ASXL1: variants seen among roughly 807,000 people sequenced by gnomAD.
ASXL1 encodes the protein ASXL transcriptional regulator 1, also known as polycomb group protein ASXL1.
ASXL1 carries 65 observed loss-of-function variants against 89.1 expected under a neutral mutation model. The observed-to-expected ratio is 0.73, with a 90% CI of 0.60 to 0.90. ASXL1 has a LOEUF of 0.90. Among genes scored for constraint, ASXL1 ranks in the 40% least tolerant of loss-of-function variants. ASXL1 has a pLI of 0.00. For synonymous variants in ASXL1, 739 were observed against 746.9 expected, an observed-to-expected ratio of 0.99 and a Z score of 0.17; for missense variants, 1,786 against 1,942.9, an observed-to-expected ratio of 0.92 and a Z score of 1.52.
chr20:32,429,567 T>A lies in ASXL1; in HGVS notation c.565+136T>A. ...CACAGGCAAGAGCCCTGCCAATGGA[T>A]GAGGCCTGCCATAGGTTCTAGTGCT... is the stretch of plus-strand genomic sequence containing the variant. On this transcript the variant is annotated intron_variant, in intron 7 of 12. Coordinates refer to ENST00000375687, the MANE Select transcript of ASXL1 (RefSeq NM_015338.6). This position sits in a 1 kb window ranked among gnomAD's most constrained non-coding sequence, Gnocchi z 4.9. The A allele has an allele frequency of 1.1e-6, 1 of 935,940 alleles. No individual in the cohort carries two copies. The allele number at this position is 935,940 out of a possible 1,614,324, so 58.0% of individuals were successfully genotyped here.
intron 4 of ASXL1, among the ~76,000 whole-genome samples, chr20:32,421,462 T>C (rs536136169): frequency 2.0e-5 from 3 of 152,240 alleles, no homozygotes; most frequent in Admixed American, 2.0e-4. Context: ...GAGTATAATT[T>C]TTTTTTTAAT....
At chr20:32,417,437 C>G (rs1255708347) in intron 4 of ASXL1, among the ~76,000 whole-genome samples, 1 of 152,128 alleles carries the variant, frequency 6.6e-6, no homozygotes, top group Non-Finnish European at 1.5e-5. Context: ...TAAATAACAG[C>G]TCTTCCTTTT....
intron 4 of ASXL1, among the ~76,000 whole-genome samples, chr20:32,370,965 T>TAAAAAAAA (rs776902032): frequency 1.1e-5 from 1 of 87,376 alleles, no homozygotes; most frequent in African/African-American, 4.3e-5. Flanking sequence ...TTGTCTCTAT[T>TAAAAAAAA]AAAAAAAAAA....
chr20:32,431,771 C>G, intron 10 of ASXL1, 92 bp downstream of exon 10: 1 of 1,319,092 alleles, frequency 7.6e-7, no homozygotes, highest in Admixed American at 1.9e-5. Flanking sequence ...GCTCGCTCTT[C>G]TCAAAGGGTT....
chr20:32,406,435 C>T lies in ASXL1; in HGVS notation c.253-21693C>T, dbSNP rs1328467414. Among the ~76,000 whole-genome samples, 4 of 152,084 alleles carry T rather than the reference C, an allele frequency of 2.6e-5. No individual in the cohort carries two copies. The East Asian group carries it at 5.8e-4, about 22-fold the overall frequency. ...GTGTGGTGGCACATGCCTGTAGTCCCAGCTACTCAGGAGGCTGAGGTGGGA... is the reference window on the plus strand; with the variant it reads ...GTGTGGTGGCACATGCCTGTAGTCCTAGCTACTCAGGAGGCTGAGGTGGGA... On this transcript the variant is annotated intron_variant, in intron 4 of 12. Coordinates refer to ENST00000375687, the MANE Select transcript of ASXL1 (RefSeq NM_015338.6).
chr20:32,416,241 TCTA>T (rs1187387908), intron 4 of ASXL1, among the ~76,000 whole-genome samples: 5 of 152,242 alleles, frequency 3.3e-5, no homozygotes, highest in African/African-American at 1.2e-4. Flanking sequence ...ATTTTCCTAT[TCTA>T]CTATTGAATA....
intron 4 of ASXL1, among the ~76,000 whole-genome samples, chr20:32,416,383 A>G (rs2049138555): frequency 1.3e-5 from 2 of 152,200 alleles, no homozygotes; most frequent in Non-Finnish European, 2.9e-5. Context: ...CTTTTATGCC[A>G]AACCCCAATC....
At chr20:32,362,183 C>T (rs182656678) in intron 1 of ASXL1, among the ~76,000 whole-genome samples, 2 of 152,316 alleles carry the variant, frequency 1.3e-5, no homozygotes, top group Admixed American at 6.5e-5. Flanking sequence ...TAGGAGGGAA[C>T]GTAGGACAGT....
chr20:32,399,766 T>TC (rs1306896618), intron 4 of ASXL1, among the ~76,000 whole-genome samples: 1 of 121,846 alleles, frequency 8.2e-6, no homozygotes, highest in East Asian at 2.0e-4. Flanking sequence ...TTTTTTTTTT[T>TC]TTTTTTTTTT....
intron 4 of ASXL1, among the ~76,000 whole-genome samples, chr20:32,376,102 T>A (rs917800184): frequency 6.6e-6 from 1 of 152,160 alleles, no homozygotes; most frequent in African/African-American, 2.4e-5. Context: ...TGTCTACTGT[T>A]CCAGGTTGTC....
chr20:32,424,980 C>T (rs2011232907), intron 4 of ASXL1, among the ~76,000 whole-genome samples: 1 of 152,078 alleles, frequency 6.6e-6, no homozygotes, highest in Admixed American at 6.6e-5. Flanking sequence ...CCCCATTCTT[C>T]CAGCTGAAGG....
Position 32,438,446 on chromosome 20 carries a change from G to T in ASXL1, c.*1108G>T. On this transcript the variant is annotated 3_prime_UTR_variant, in exon 13 of 13. Coordinates refer to ENST00000375687, the MANE Select transcript of ASXL1 (RefSeq NM_015338.6). ...TGTTGTCAGAGCCACTGAGTGCTGT[G>T]CTGCTCGACGTGAGGGTGAAATGAT... 1 of 233,574 alleles carries T rather than the reference G, an allele frequency of 4.3e-6. No individual in the cohort carries two copies. The highest frequency in any genetic ancestry group is 8.5e-6 in the Non-Finnish European group (1 of 118,032). The allele number at this position is 233,574 out of a possible 1,614,324, so 14.5% of individuals were successfully genotyped here.
chr20:32,379,938 A>G lies in ASXL1; in HGVS notation c.252+10815A>G, dbSNP rs2048458502. On this transcript the variant is annotated intron_variant, in intron 4 of 12. Transcript: ENST00000375687. ...GTCTTTTTTCAGTTAAGTTCAGTTG[A>G]ACCCTTTTCCTGTTTAGAATATTTT... 2.7e-5 allele frequency among the ~76,000 whole-genome samples: 4 copies of G among 150,488 alleles called. 2 individuals carry two copies. In the South Asian group the frequency reaches 8.4e-4, roughly 32 times the overall value.
intron 4 of ASXL1, among the ~76,000 whole-genome samples, chr20:32,414,204 C>T (rs905064942): frequency 4.6e-5 from 7 of 151,926 alleles, no homozygotes; most frequent in African/African-American, 1.7e-4. Context: ...AAACTGGAGT[C>T]TTCTCATTTG....
chr20:32,430,834 G>C (rs547136241), intron 8 of ASXL1: 2 of 346,458 alleles, frequency 5.8e-6, no homozygotes, highest in Admixed American at 8.9e-5. Context: ...GCTTCTGTGA[G>C]AGGTATTAGC....
chr20:32,393,201 A>T (rs1481935884), intron 4 of ASXL1, among the ~76,000 whole-genome samples: 1 of 152,238 alleles, frequency 6.6e-6, no homozygotes, highest in Non-Finnish European at 1.5e-5. Context: ...TATAAGGTAC[A>T]TAAGCATTTA....
rs574851072 is a variant in ASXL1, at chr20:32,426,001, G to A, written c.253-2127G>A. Among the ~76,000 whole-genome samples, 4 of 152,252 alleles carry A rather than the reference G, an allele frequency of 2.6e-5. No individual in the cohort carries two copies. The South Asian group carries it at 8.3e-4, about 32-fold the overall frequency. On this transcript the variant is annotated intron_variant, in intron 4 of 12. Transcript: ENST00000375687. ...ATTACAGGTGCAAGCCACCATGCCC[G>A]GCCTGATTTATAAATGTAGTCTAAA...
At chr20:32,370,430 T>G (rs2048283323) in intron 4 of ASXL1, among the ~76,000 whole-genome samples, 1 of 152,146 alleles carries the variant, frequency 6.6e-6, no homozygotes, top group Non-Finnish European at 1.5e-5. Flanking sequence ...AAAAAAAATT[T>G]ATTTACAAAT....
chr20:32,358,665 C>T lies in ASXL1; in HGVS notation c.-111C>T, dbSNP rs1447930078. On this transcript the variant is annotated 5_prime_UTR_variant, in exon 1 of 13. Coordinates refer to ENST00000375687, the MANE Select transcript of ASXL1 (RefSeq NM_015338.6). ...CCGCACCCGAGACCTCGCGCGCCGC[C>T]GCTGCCACGCGCCCCCCCCACCGCC... The T allele has an allele frequency of 2.4e-5, 8 of 336,408 alleles. No homozygotes were observed. Among genetic ancestry groups the T allele is most frequent in the Non-Finnish European group, 3.5e-5 (8 of 229,792 alleles). The allele number at this position is 336,408 out of a possible 1,614,324, so 20.8% of individuals were successfully genotyped here.
Sources: allele counts gnomAD v4.1 joint callset (sites outside exome capture counted in the v4.1 genomes callset), GRCh38; gene constraint gnomAD v4.1.1; non-coding constraint Gnocchi (gnomAD v3.1); transcripts MANE v1.5; gene names NCBI Gene and HGNC (gene_info 2026-07-23, HGNC 2026-07-21).